The following CRY1 variants were observed in gnomAD, a reference collection of about 807,000 sequenced individuals.
CRY1 encodes cryptochrome-1.
In CRY1, 45 loss-of-function variants were observed where a neutral mutation model predicts 76.0. That is an observed-to-expected ratio of 0.59 (90% confidence interval 0.47 to 0.76). The LOEUF (loss-of-function observed/expected upper bound fraction) is 0.76, where lower values mean the gene tolerates loss of function less well. CRY1 is among the 30% of genes least tolerant of loss of function. The pLI is 0.00. For synonymous variants in CRY1, 248 were observed against 244.0 expected, an observed-to-expected ratio of 1.02 and a Z score of -0.15; for missense variants, 587 against 716.4, an observed-to-expected ratio of 0.82 and a Z score of 2.06.
chr12:107,057,839 G>C (rs572244023), intron 1 of CRY1, among the ~76,000 whole-genome samples: 1 of 152,182 alleles, frequency 6.6e-6, no homozygotes, highest in African/African-American at 2.4e-5. Flanking sequence ...CAAGAGAACT[G>C]ATTGAGGCCA....
At chr12:107,025,074 T>A (rs1565828677) in intron 1 of CRY1, among the ~76,000 whole-genome samples, 1 of 152,216 alleles carries the variant, frequency 6.6e-6, no homozygotes, top group Admixed American at 6.5e-5. Flanking sequence ...ATTGCATGCA[T>A]CTACTTTTGT....
rs1239590860 is a variant in CRY1, at chr12:107,069,584, AAAGT to A, written c.158+23216_158+23219del. On this transcript the variant is annotated intron_variant, in intron 1 of 12. Coordinates refer to ENST00000008527, the MANE Select transcript of CRY1 (RefSeq NM_004075.5). ...TAATATATATATAAAGTATATATATAAAGTATATATATATAAAGTATATATATAA... is the reference window on the plus strand; with the variant it reads ...TAATATATATATAAAGTATATATATAATATATATATAAAGTATATATATAA... 8.8e-4 allele frequency among the ~76,000 whole-genome samples: 36 copies of A among 41,002 alleles called. No homozygotes were observed. In the East Asian group the frequency reaches 0.05, roughly 57 times the overall value. 26.9% of individuals were successfully genotyped at this position (41,002 alleles called of 152,430 possible).
intron 1 of CRY1, among the ~76,000 whole-genome samples, chr12:107,047,451 CTTGAA>C (rs1952863138): frequency 6.6e-6 from 1 of 152,146 alleles, no homozygotes; most frequent in Non-Finnish European, 1.5e-5. Flanking sequence ...CAAATCTCAT[CTTGAA>C]TTGTAGTTCC....
At chr12:107,030,831 G>C (rs1952666486) in intron 1 of CRY1, among the ~76,000 whole-genome samples, 2 of 152,066 alleles carry the variant, frequency 1.3e-5, no homozygotes, top group Admixed American at 6.5e-5. Context: ...GTAGAGTTTA[G>C]AATTAATAGG....
Position 107,001,769 on chromosome 12 carries a change from T to A in CRY1, c.590A>T (p.Glu197Val). ...DEKYGVPSLE[E>V]LGFDTDGLSS... ...TGACTACAGTTTACACTCACCTAGC[T>A]CTTCCAGTGAAGGGACTCCATATTT... Residue 197 changes from glutamate (E) to valine (V), a missense_variant, in exon 4 of 13, where the codon GAG becomes GTG. Transcript: ENST00000008527. The A allele has an allele frequency of 6.4e-7, 1 of 1,550,896 alleles. No homozygotes were observed. Among genetic ancestry groups the A allele is most frequent in the Non-Finnish European group, 8.6e-7 (1 of 1,161,428 alleles).
chr12:107,015,067 G>A lies in CRY1; in HGVS notation c.267+7017C>T, dbSNP rs972172130. Among the ~76,000 whole-genome samples, 10 of 152,036 alleles carry A rather than the reference G, an allele frequency of 6.6e-5. No homozygotes were observed. The South Asian group carries it at 8.3e-4, about 13-fold the overall frequency. Reference sequence around the variant, plus strand: ...TAATATTTGTAGTTTTAGTAGAGACGGGGTTTCACCATGTTGGTCAGGCTG... The same window carrying A: ...TAATATTTGTAGTTTTAGTAGAGACAGGGTTTCACCATGTTGGTCAGGCTG... On this transcript the variant is annotated intron_variant, in intron 2 of 12. Transcript: ENST00000008527.
intron 1 of CRY1, among the ~76,000 whole-genome samples, chr12:107,085,594 A>G (rs1476012359): frequency 6.6e-6 from 1 of 152,172 alleles, no homozygotes; most frequent in Non-Finnish European, 1.5e-5. Flanking sequence ...GTTCTCCATA[A>G]GTAGGAGTTG....
chr12:107,092,869 G>A lies in CRY1; in HGVS notation c.93C>T (p.Ile31=), dbSNP rs201633344. Residue 31 remains isoleucine (I), a synonymous_variant, in exon 1 of 13, where the codon ATC becomes ATT. Coordinates refer to ENST00000008527, the MANE Select transcript of CRY1 (RefSeq NM_004075.5). ...LKECIQGADT[I]RCVYILDPWF... is the part of the protein sequence containing the mutation. ...AGGGGTCCAGGATGTAGACGCAGCG[G>A]ATGGTGTCGGCGCCCTGAATGCACT... The A allele has an allele frequency of 1.5e-5, 24 of 1,610,694 alleles. No individual in the cohort carries two copies. In the Admixed American group the frequency reaches 4.0e-4, roughly 27 times the overall value.
At chr12:107,014,526 G>C (rs1373003974) in intron 2 of CRY1, among the ~76,000 whole-genome samples, 3 of 152,044 alleles carry the variant, frequency 2.0e-5, no homozygotes, top group Non-Finnish European at 4.4e-5. Context: ...AATGCATACT[G>C]ATTTTCTTTA....
rs141857314 is a variant in CRY1 at position 107,023,788 on chromosome 12, G to A, written c.159-1596C>T. On this transcript the variant is annotated intron_variant, in intron 1 of 12. Transcript: ENST00000008527. ...CACATCCCTTTTCTGCCTTGGTTTG[G>A]AGTCACCTCCCTAACACCTGATCCC... Among the ~76,000 whole-genome samples the A allele has an allele frequency of 2.0e-3, 301 of 152,206 alleles. 1 individual carries two copies. Among genetic ancestry groups the A allele is most frequent in the African/African-American group, 6.6e-3 (275 of 41,560 alleles).
chr12:107,046,414 A>G (rs955503940), intron 1 of CRY1, among the ~76,000 whole-genome samples: 1 of 152,172 alleles, frequency 6.6e-6, no homozygotes, highest in African/African-American at 2.4e-5. Flanking sequence ...TTAGAAAAAG[A>G]ATAAAAACTT....
chr12:107,046,798 A>T (rs1952853380), intron 1 of CRY1, among the ~76,000 whole-genome samples: 2 of 152,266 alleles, frequency 1.3e-5, no homozygotes, highest in African/African-American at 2.4e-5. Flanking sequence ...AAAGCTCATA[A>T]TATAATGATA....
At chr12:107,070,489 TAACA>T (rs1181660018) in intron 1 of CRY1, among the ~76,000 whole-genome samples, 2 of 152,036 alleles carry the variant, frequency 1.3e-5, no homozygotes, top group African/African-American at 4.8e-5. Flanking sequence ...GTATACTGTA[TAACA>T]AACAATGCAT....
Position 107,093,067 on chromosome 12 carries a change from GA to G in CRY1, c.-107del, listed in dbSNP as rs914083459. 5.2e-6 allele frequency: 7 copies of G among 1,333,500 alleles called. No homozygotes were observed. The highest frequency in any genetic ancestry group is 6.9e-6 in the Non-Finnish European group (7 of 1,014,306). 82.6% of individuals were successfully genotyped at this position (1,333,500 alleles called of 1,614,324 possible). ...AGAATTGCCTCACCCGGGGCGTGAG[GA>G]AAGGGCGGCAGAGGGGGAACAGGAA... On this transcript the variant is annotated 5_prime_UTR_variant, in exon 1 of 13. Coordinates refer to ENST00000008527, the MANE Select transcript of CRY1 (RefSeq NM_004075.5).
At chr12:106,998,679 C>CACACACACAT (rs1555274481) in intron 7 of CRY1, among the ~76,000 whole-genome samples, 2 of 151,748 alleles carry the variant, frequency 1.3e-5, no homozygotes, top group African/African-American at 4.8e-5. Flanking sequence ...CACACACACA[C>CACACACACAT]ACACACACAC....
intron 2 of CRY1, among the ~76,000 whole-genome samples, chr12:107,016,195 A>C (rs1298820569): frequency 6.6e-6 from 1 of 152,114 alleles, no homozygotes; most frequent in African/African-American, 2.4e-5. Context: ...CTGTAGTCCC[A>C]GCTACTCAGT....
intron 1 of CRY1, among the ~76,000 whole-genome samples, chr12:107,051,413 A>T (rs747662027): frequency 6.6e-6 from 1 of 152,198 alleles, no homozygotes; most frequent in Non-Finnish European, 1.5e-5. Context: ...AAGCACTTTC[A>T]TTCACTCATT....
intron 1 of CRY1, among the ~76,000 whole-genome samples, chr12:107,048,363 C>T (rs369793006): frequency 8.5e-5 from 13 of 152,060 alleles, no homozygotes; most frequent in African/African-American, 2.4e-4. Flanking sequence ...TACAGGCGTG[C>T]GCTACTGTGC....
intron 1 of CRY1, among the ~76,000 whole-genome samples, chr12:107,055,252 G>C (rs942242925): frequency 5.3e-5 from 8 of 151,920 alleles, no homozygotes; most frequent in Non-Finnish European, 8.8e-5. Flanking sequence ...AGAAAACTTT[G>C]CATGTTTGGA....
Sources: allele counts gnomAD v4.1 joint callset (sites outside exome capture counted in the v4.1 genomes callset), GRCh38; gene constraint gnomAD v4.1.1; transcripts MANE v1.5; gene names NCBI Gene and HGNC (gene_info 2026-07-23, HGNC 2026-07-21).